SLC24A4: variants seen among roughly 807,000 people sequenced by gnomAD.
SLC24A4 encodes the protein solute carrier family 24 member 4, also known as sodium/potassium/calcium exchanger 4.
SLC24A4 carries 53 observed loss-of-function variants against 79.0 expected under a neutral mutation model. The ratio of observed to expected loss-of-function variants is 0.67; its 90% CI spans 0.54 to 0.84. The LOEUF is 0.84. SLC24A4 is among the 40% of genes least tolerant of loss of function. SLC24A4 has a pLI of 0.00. For synonymous variants in SLC24A4, 323 were observed against 323.8 expected (o/e 1.00, Z 0.03); for missense variants, 731 against 822.0 (o/e 0.89, Z 1.35).
At chr14:92,447,115 C>T (rs1307088422) in intron 8 of SLC24A4, among the ~76,000 whole-genome samples, 1 of 152,210 alleles carries the variant, frequency 6.6e-6, no homozygotes, top group Non-Finnish European at 1.5e-5. Flanking sequence ...GCTGAGGGAA[C>T]CCCACCTCTG....
chr14:92,410,847 G>C lies in SLC24A4; in HGVS notation c.242-23065G>C, dbSNP rs1364207128. On this transcript the variant is annotated intron_variant, in intron 2 of 16. Transcript: ENST00000532405. ...TGTGGAGTGCCTCTCATCTGGATGT[G>C]GTGAATTGCACATAGATAAAGCAGA... 2.0e-5 allele frequency among the ~76,000 whole-genome samples: 3 copies of C among 152,152 alleles called. No individual in the cohort carries two copies. In the South Asian group the frequency reaches 6.2e-4, roughly 32 times the overall value.
At position 92,493,643 on chromosome 14, in the gene SLC24A4, C is replaced by G; in HGVS notation, c.*15C>G. 1 of 1,613,454 alleles carries G rather than the reference C, an allele frequency of 6.2e-7. No individual in the cohort carries two copies. On this transcript the variant is annotated 3_prime_UTR_variant, in exon 17 of 17. Coordinates refer to ENST00000532405, the MANE Select transcript of SLC24A4 (RefSeq NM_153646.4). ...AAGACGATTAGCGCTGAGTCGCGGC[C>G]CCTGGGAGCTGATCTGGACACCCTG...
In SLC24A4 at chr14:92,498,079, A is replaced by G. The variant is rs1490998525; in HGVS notation, c.*4451A>G. The G allele has an allele frequency of 6.6e-6, 1 of 152,248 alleles. No individual in the cohort carries two copies. The highest frequency in any genetic ancestry group is 1.9e-4 in the East Asian group (1 of 5,206). The allele number at this position is 152,248 out of a possible 1,614,324, so 9.4% of individuals were successfully genotyped here. A position where few individuals can be genotyped will look rare whatever the true frequency, so the allele number is the denominator to read the frequency against. ...CACCGTGCCCATAGAAACTTCTAGA[A>G]ATTTCTGAAAATGCTCTGTGGGCAG... On this transcript the variant is annotated 3_prime_UTR_variant, in exon 17 of 17. Coordinates refer to ENST00000532405, the MANE Select transcript of SLC24A4 (RefSeq NM_153646.4).
intron 14 of SLC24A4, among the ~76,000 whole-genome samples, 173 bp from the exon 15 acceptor site, chr14:92,491,492 T>G (rs962283351): frequency 1.3e-5 from 2 of 152,160 alleles, no homozygotes; most frequent in South Asian, 4.1e-4. Flanking sequence ...ATAGTCCCCT[T>G]TAGGCTTCAG....
At chr14:92,414,634 G>C (rs754172530) in intron 2 of SLC24A4, among the ~76,000 whole-genome samples, 4 of 152,144 alleles carry the variant, frequency 2.6e-5, no homozygotes, top group Non-Finnish European at 5.9e-5. Context: ...CAGCTTCTTG[G>C]GAGGCTGAGG....
At chr14:92,487,940 C>A (rs958127756) in intron 14 of SLC24A4, among the ~76,000 whole-genome samples, 2 of 152,082 alleles carry the variant, frequency 1.3e-5, no homozygotes, top group African/African-American at 4.8e-5. Context: ...ACACCGCATT[C>A]TTCCCTTGGT....
chr14:92,417,773 G>T (rs926976983), intron 2 of SLC24A4, among the ~76,000 whole-genome samples: 1 of 152,188 alleles, frequency 6.6e-6, no homozygotes, highest in African/African-American at 2.4e-5. Flanking sequence ...TCAACTACCT[G>T]CGGTATTCAG....
At chr14:92,338,108 A>T (rs192985466) in intron 2 of SLC24A4, among the ~76,000 whole-genome samples, 47 of 152,306 alleles carry the variant, frequency 3.1e-4, no homozygotes, top group African/African-American at 1.0e-3. Context: ...CATGGGGCAC[A>T]GAGGTACTCA....
chr14:92,400,098 GTGT>G (rs1012264519), intron 2 of SLC24A4, among the ~76,000 whole-genome samples: 1 of 152,104 alleles, frequency 6.6e-6, no homozygotes, highest in African/African-American at 2.4e-5. Context: ...AGAATTGGTG[GTGT>G]TCTGTTAATC....
Position 92,439,340 on chromosome 14 carries a change from G to A in SLC24A4, c.324G>A (p.Leu108=). 6.2e-7 allele frequency: 1 copy of A among 1,612,596 alleles called. No individual in the cohort carries two copies. Among genetic ancestry groups the A allele is most frequent in the Non-Finnish European group, 8.5e-7 (1 of 1,178,806 alleles). Residue 108 remains leucine, a synonymous_variant, in exon 4 of 17, where the codon CTG becomes CTA. Coordinates refer to ENST00000532405, the MANE Select transcript of SLC24A4 (RefSeq NM_153646.4). ...GTCTCCTCTCTCCTTTGCAGGCTCT[G>A]TATATGTTCTATGCCTTGGCCATAG... ...GAVLLHILGA[L]YMFYALAIVC...
rs747436460 is a variant in SLC24A4 at position 92,482,785 on chromosome 14, T to C, written c.1361T>C (p.Met454Thr). 4 of 1,614,130 alleles carry C rather than the reference T, an allele frequency of 2.5e-6. No homozygotes were observed. The highest frequency in any genetic ancestry group is 1.7e-5 in the Admixed American group (1 of 60,008). Residue 454 changes from methionine (M) to threonine (T), a missense_variant, in exon 13 of 17, where the codon ATG becomes ACG. By Grantham distance (81) the Met-to-Thr change is moderately conservative (BLOSUM62 -1). Coordinates refer to ENST00000532405, the MANE Select transcript of SLC24A4 (RefSeq NM_153646.4). ...AAGCCCCGCTGGGAGAAGTTCTTCA[T>C]GGTCACCTTCATCACCGCCACGCTG... The part of the protein sequence containing the change: ...CSKPRWEKFF[M>T]VTFITATLWI...
intron 9 of SLC24A4, 52 bp downstream of exon 9, chr14:92,447,476 G>T: frequency 6.5e-7 from 1 of 1,528,194 alleles, no homozygotes; most frequent in Non-Finnish European, 9.1e-7. Context: ...CCCACTGCCT[G>T]CTACAGCCTT....
intron 2 of SLC24A4, among the ~76,000 whole-genome samples, chr14:92,372,815 A>C (rs1404695994): frequency 6.6e-6 from 1 of 151,782 alleles, no homozygotes; most frequent in Non-Finnish European, 1.5e-5. Flanking sequence ...GACATTGTAC[A>C]TCACATTACA....
chr14:92,395,501 CA>C, intron 2 of SLC24A4, among the ~76,000 whole-genome samples: 1 of 151,886 alleles, frequency 6.6e-6, no homozygotes, highest in African/African-American at 2.4e-5. Context: ...GTTTTATGGG[CA>C]AATTATGTAC....
At chr14:92,407,028 A>C (rs151028352) in intron 2 of SLC24A4, among the ~76,000 whole-genome samples, 1,625 of 152,302 alleles carry the variant, frequency 0.011, 15 homozygotes, top group Non-Finnish European at 0.015. Context: ...AACACATATG[A>C]CTGTATGCTC....
chr14:92,386,350 C>T (rs553158617), intron 2 of SLC24A4, among the ~76,000 whole-genome samples: 29 of 152,160 alleles, frequency 1.9e-4, no homozygotes, highest in Admixed American at 1.8e-3. Flanking sequence ...TAAAATGGGA[C>T]CATAACAGAC....
intron 2 of SLC24A4, among the ~76,000 whole-genome samples, chr14:92,337,325 A>G (rs1998097): frequency 0.98 from 149,393 of 152,314 alleles, 73,327 homozygotes; most frequent in East Asian, 1. Context: ...CTTGAGGGCA[A>G]GGACTATGTC....
At chr14:92,456,341 T>G in intron 11 of SLC24A4, 63 bp from the exon 12 acceptor site, 1 of 1,568,026 alleles carries the variant, frequency 6.4e-7, no homozygotes. Flanking sequence ...GGACCCAGCG[T>G]ATAGCAATAG....
At chr14:92,430,287 A>C (rs771589684) in intron 2 of SLC24A4, among the ~76,000 whole-genome samples, 46 of 152,356 alleles carry the variant, frequency 3.0e-4, no homozygotes, top group Admixed American at 1.2e-3. Flanking sequence ...TGCTCTGTAC[A>C]TGCTGTTGAA....
Sources: gnomAD v4.1 joint callset for allele counts (sites outside exome capture counted in the v4.1 genomes callset) on GRCh38, gnomAD v4.1.1 for gene constraint, MANE v1.5 for transcripts, NCBI Gene and HGNC (gene_info 2026-07-23, HGNC 2026-07-21) for gene names.